The following TRPC5 variants were observed in gnomAD, a reference collection of about 807,000 sequenced individuals.
TRPC5 encodes short transient receptor potential channel 5.
A neutral mutation model predicts 56.5 loss-of-function variants in TRPC5; 9 were observed. The ratio of observed to expected loss-of-function variants is 0.16; its 90% CI spans 0.10 to 0.28. The LOEUF (loss-of-function observed/expected upper bound fraction) is 0.28. Ranked by LOEUF, TRPC5 falls within the 10% of genes least tolerant of loss-of-function variation. TRPC5 has a pLI of 1.00. For synonymous variants in TRPC5, 282 were observed against 278.5 expected (o/e 1.01, Z -0.13); for missense variants, 469 against 748.9 (o/e 0.63, Z 4.36).
chrX:112,032,566 A>G (rs2147720043), intron 1 of TRPC5, among the ~76,000 whole-genome samples: 1 of 112,267 alleles, frequency 8.9e-6, no homozygotes, highest in African/African-American at 3.2e-5. Flanking sequence ...GCTATTATAA[A>G]TAGGGCTGCT....
At chrX:112,058,222 C>G (rs1419139406) in intron 1 of TRPC5, among the ~76,000 whole-genome samples, 1 of 112,155 alleles carries the variant, frequency 8.9e-6, no homozygotes. Flanking sequence ...CAGACTTACC[C>G]TGACATTCAG....
chrX:111,941,364 C>T (rs1926773366), intron 2 of TRPC5, among the ~76,000 whole-genome samples: 1 of 112,148 alleles, frequency 8.9e-6, no homozygotes, highest in African/African-American at 3.2e-5. Context: ...GGTGCTTTGG[C>T]TTTGCTTCTG....
At chrX:111,905,929 A>AAG (rs1298744135) in intron 3 of TRPC5, among the ~76,000 whole-genome samples, 3 of 105,215 alleles carry the variant, frequency 2.9e-5, no homozygotes, top group African/African-American at 1.1e-4. Flanking sequence ...AAAAAAAAAA[A>AAG]AAGAAAGAAA....
chrX:111,793,278 A>G (rs1305297555), intron 7 of TRPC5, among the ~76,000 whole-genome samples: 1 of 111,905 alleles, frequency 8.9e-6, no homozygotes, highest in Non-Finnish European at 1.9e-5. Context: ...CACTTGCTGT[A>G]TTAGGCTGTT....
At chrX:112,048,265 G>A (rs769606327) in intron 1 of TRPC5, among the ~76,000 whole-genome samples, 8 of 110,973 alleles carry the variant, frequency 7.2e-5, no homozygotes, top group Non-Finnish European at 1.1e-4. Flanking sequence ...GCTGGGCGTC[G>A]TGGCGTGTGC....
intron 2 of TRPC5, among the ~76,000 whole-genome samples, chrX:111,938,558 GGTT>G (rs1926671447): frequency 9.0e-6 from 1 of 111,104 alleles, no homozygotes; most frequent in Admixed American, 9.6e-5. Flanking sequence ...TAGCATGAAG[GGTT>G]GTTGAATTTT....
chrX:111,884,605 C>A (rs967988553), intron 3 of TRPC5, among the ~76,000 whole-genome samples: 1 of 112,378 alleles, frequency 8.9e-6, no homozygotes, highest in East Asian at 2.8e-4. Context: ...CTAGTCATAA[C>A]CTAAGTTTAG....
chrX:111,941,684 G>A (rs1926783071), intron 2 of TRPC5, among the ~76,000 whole-genome samples: 1 of 112,341 alleles, frequency 8.9e-6, no homozygotes, highest in African/African-American at 3.2e-5. Context: ...GCAGCCACTT[G>A]TGTGAGTATG....
intron 2 of TRPC5, among the ~76,000 whole-genome samples, chrX:111,913,625 G>A (rs1025512528): frequency 1.8e-5 from 2 of 111,396 alleles, no homozygotes; most frequent in Admixed American, 9.6e-5. Context: ...TTCCGGGTGA[G>A]TGTGCAGAAC....
intron 1 of TRPC5, among the ~76,000 whole-genome samples, chrX:111,997,774 G>T (rs1928582290): frequency 9.1e-6 from 1 of 109,871 alleles, no homozygotes; most frequent in Non-Finnish European, 1.9e-5. Flanking sequence ...TCTTCCACTT[G>T]ATCGAATCGG....
chrX:112,040,430 A>G (rs1187969500), intron 1 of TRPC5, among the ~76,000 whole-genome samples: 1 of 111,896 alleles, frequency 8.9e-6, no homozygotes, highest in Non-Finnish European at 1.9e-5. Flanking sequence ...CATTAGGTAG[A>G]GGGCTTGTTA....
intron 2 of TRPC5, among the ~76,000 whole-genome samples, chrX:111,932,200 C>T (rs1205806213): frequency 9.0e-6 from 1 of 111,342 alleles, no homozygotes; most frequent in Non-Finnish European, 1.9e-5. Flanking sequence ...TGTTGTCAAT[C>T]AATGAATATC....
intron 2 of TRPC5, among the ~76,000 whole-genome samples, chrX:111,933,577 A>G (rs933749937): frequency 9.0e-6 from 1 of 111,610 alleles, no homozygotes; most frequent in Non-Finnish European, 1.9e-5. Flanking sequence ...AAAAACAGAA[A>G]CAAAAAAACA....
chrX:111,989,045 T>C lies in TRPC5; in HGVS notation c.-21-36604A>G, dbSNP rs150946997. On this transcript the variant is annotated intron_variant, in intron 1 of 10. Coordinates refer to ENST00000262839, the MANE Select transcript of TRPC5 (RefSeq NM_012471.3). Reference sequence around the variant, plus strand: ...GCACATAGCAGGTAATCAATAAATGTTCATTTTCTTCCTTTCTTGTTCCCT... The same window carrying C: ...GCACATAGCAGGTAATCAATAAATGCTCATTTTCTTCCTTTCTTGTTCCCT... 3.6e-5 allele frequency among the ~76,000 whole-genome samples: 4 copies of C among 111,718 alleles called. No homozygotes were observed. In the East Asian group the frequency reaches 1.1e-3, roughly 31 times the overall value.
chrX:111,979,526 A>G (rs1603128484), intron 1 of TRPC5, among the ~76,000 whole-genome samples: 1 of 111,729 alleles, frequency 9.0e-6, no homozygotes. Flanking sequence ...CTATTGAGAA[A>G]ATGAAAACAT....
At position 111,819,181 on chromosome X, in the gene TRPC5, C is replaced by T. The variant is rs149456088; in HGVS notation, c.1896+15740G>A. Among the ~76,000 whole-genome samples, 296 of 111,817 alleles carry T rather than the reference C, an allele frequency of 2.6e-3. 1 individual carries two copies. Among genetic ancestry groups the T allele is most frequent in the African/African-American group, 9.3e-3 (286 of 30,821 alleles). On this transcript the variant is annotated intron_variant, in intron 7 of 10. Coordinates refer to ENST00000262839, the MANE Select transcript of TRPC5 (RefSeq NM_012471.3). ...AAACAGAAACAGAGCCTGATCAGGGCCTTGGATTTTGAAGAACAGATCCCT... is the reference window on the plus strand; with the variant it reads ...AAACAGAAACAGAGCCTGATCAGGGTCTTGGATTTTGAAGAACAGATCCCT...
chrX:111,977,395 C>T (rs980503927), intron 1 of TRPC5, among the ~76,000 whole-genome samples: 7 of 111,717 alleles, frequency 6.3e-5, no homozygotes. Flanking sequence ...GACTCTTCAA[C>T]AAATGGTATT....
chrX:111,837,885 A>G (rs1922609862), intron 6 of TRPC5, among the ~76,000 whole-genome samples: 1 of 103,336 alleles, frequency 9.7e-6, no homozygotes, highest in Non-Finnish European at 2.0e-5. Context: ...CAGCCTGAGC[A>G]ACATAACAAA....
intron 1 of TRPC5, among the ~76,000 whole-genome samples, chrX:112,011,229 C>G (rs1423689624): frequency 9.0e-6 from 1 of 111,610 alleles, no homozygotes; most frequent in Non-Finnish European, 1.9e-5. Flanking sequence ...TTATTAATCT[C>G]TTTGCCTGGT....
Sources: gnomAD v4.1 joint callset for allele counts (sites outside exome capture counted in the v4.1 genomes callset) on GRCh38, gnomAD v4.1.1 for gene constraint, MANE v1.5 for transcripts, NCBI Gene and HGNC (gene_info 2026-07-23, HGNC 2026-07-21) for gene names.